Variants in TCP11L2 observed in about 807,000 individuals in gnomAD.
The protein encoded by TCP11L2 is T-complex protein 11-like protein 2.
TCP11L2 carries 39 observed loss-of-function variants against 50.7 expected under a neutral mutation model. That is an observed-to-expected ratio of 0.77 (90% CI 0.60 to 1.01). TCP11L2 has a LOEUF of 1.01. Ranked by LOEUF, TCP11L2 falls within the 50% of genes least tolerant of loss-of-function variation. TCP11L2 has a pLI of 0.00. For missense variants in TCP11L2, 612 were observed against 614.7 expected, an observed-to-expected ratio of 1.00 and a Z score of 0.05; for synonymous variants, 192 against 219.3, an observed-to-expected ratio of 0.88 and a Z score of 1.10.
At chr12:106,344,313 G>A (rs1056030354) in intron 9 of TCP11L2, among the ~76,000 whole-genome samples, 1 of 152,010 alleles carries the variant, frequency 6.6e-6, no homozygotes, top group Non-Finnish European at 1.5e-5. Flanking sequence ...CATTTACAAT[G>A]TGTCTGTCAC....
chr12:106,300,024 T>C (rs2034384615), upstream of TCP11L2, among the ~76,000 whole-genome samples: 1 of 152,116 alleles, frequency 6.6e-6, no homozygotes, highest in South Asian at 2.1e-4. Flanking sequence ...ACCGTGTAAT[T>C]TACAGGGAGA....
At chr12:106,319,123 G>A (rs2035233402) in intron 4 of TCP11L2, among the ~76,000 whole-genome samples, 1 of 152,242 alleles carries the variant, frequency 6.6e-6, no homozygotes, top group South Asian at 2.1e-4. Context: ...TTGTTAGCCA[G>A]GATGGTCTCG....
At chr12:106,344,712 C>A (rs1220337815) in intron 9 of TCP11L2, among the ~76,000 whole-genome samples, 3 of 152,044 alleles carry the variant, frequency 2.0e-5, no homozygotes, top group Non-Finnish European at 4.4e-5. Context: ...CTTAGTAAAC[C>A]TTCTTATTGG....
chr12:106,344,097 T>C (rs1314595999), intron 9 of TCP11L2, among the ~76,000 whole-genome samples: 3 of 151,682 alleles, frequency 2.0e-5, no homozygotes, highest in African/African-American at 7.3e-5. Flanking sequence ...AGCAGGAGGA[T>C]GGCTTGAGGC....
chr12:106,304,012 C>T (rs2034527685), intron 1 of TCP11L2: 1 of 152,258 alleles, frequency 6.6e-6, no homozygotes, highest in African/African-American at 2.4e-5. Context: ...CTCTTCTTAC[C>T]TGCCAACGGA....
Position 106,346,822 on chromosome 12 carries a change from A to G in TCP11L2, c.*292A>G, listed in dbSNP as rs1455221833. The G allele has an allele frequency of 7.3e-6, 2 of 274,334 alleles. No individual in the cohort carries two copies. The highest frequency in any genetic ancestry group is 1.1e-3 in the Middle Eastern group (1 of 924). The allele number at this position is 274,334 out of a possible 1,614,324, so 17.0% of individuals were successfully genotyped here. A position where few individuals can be genotyped will look rare whatever the true frequency, so the allele number is the denominator to read the frequency against. ...ATTATATTACCTATATAATACTTGT[A>G]AATGTTTTCTTAACCATTTATATTT... On this transcript the variant is annotated 3_prime_UTR_variant, in exon 10 of 10. Transcript: ENST00000299045.
At chr12:106,323,691 T>C (rs573435623) in intron 6 of TCP11L2, 45 bp downstream of exon 6, 14 of 1,083,900 alleles carry the variant, frequency 1.3e-5, no homozygotes, top group East Asian at 2.9e-5. Context: ...TAGGTTAAAA[T>C]GATGATTTTA....
intron 6 of TCP11L2, among the ~76,000 whole-genome samples, chr12:106,331,943 A>G (rs2035760739): frequency 6.6e-6 from 1 of 152,236 alleles, no homozygotes; most frequent in Admixed American, 6.5e-5. Flanking sequence ...CTGTTGCAGC[A>G]GTCTGTTGCT....
At chr12:106,318,524 G>C in intron 4 of TCP11L2, 60 bp downstream of exon 4, 2 of 1,600,002 alleles carry the variant, frequency 1.3e-6, no homozygotes, top group Non-Finnish European at 1.7e-6. Context: ...TGCTATAACA[G>C]ACTGGCATAG....
intron 1 of TCP11L2, 88 bp from the exon 2 acceptor site, chr12:106,310,952 TG>T: frequency 8.3e-7 from 1 of 1,198,932 alleles, no homozygotes; most frequent in Non-Finnish European, 1.2e-6. Context: ...GTGACACTTG[TG>T]GGGACAGTTG....
chr12:106,313,135 C>G (rs781184184), intron 2 of TCP11L2, among the ~76,000 whole-genome samples: 5 of 152,072 alleles, frequency 3.3e-5, no homozygotes, highest in Non-Finnish European at 7.4e-5. Context: ...TGAGTTCTTA[C>G]TATCTTCTTC....
At chr12:106,345,149 C>CA (rs1362116649) in intron 9 of TCP11L2, among the ~76,000 whole-genome samples, 2 of 152,164 alleles carry the variant, frequency 1.3e-5, no homozygotes, top group African/African-American at 4.8e-5. Context: ...CACACACCAT[C>CA]ATGCCTGGCT....
intron 6 of TCP11L2, chr12:106,325,245 A>G (rs2035495029): frequency 6.6e-6 from 1 of 152,194 alleles, no homozygotes; most frequent in Non-Finnish European, 1.5e-5. Flanking sequence ...TCCATAGTCC[A>G]TGTTCCTGTC....
In TCP11L2 at chr12:106,330,167, G is replaced by A. The variant is rs113790605; in HGVS notation, c.773-5472G>A. The A allele has an allele frequency of 7.0e-3, 6,880 of 985,358 alleles. 394 individuals carry two copies. The African/African-American group carries it at 0.11, about 16-fold the overall frequency. 61.0% of individuals were successfully genotyped at this position (985,358 alleles called of 1,614,324 possible). A position where few individuals can be genotyped will look rare whatever the true frequency, so the allele number is the denominator to read the frequency against. On this transcript the variant is annotated intron_variant, in intron 6 of 9. Coordinates refer to ENST00000299045, the MANE Select transcript of TCP11L2 (RefSeq NM_152772.3). ...AAAATAAAGTGAATTTTGTCCTAAGGCAGACAGCCCCAGTAGAGAATTACT... is the reference window on the plus strand; with the variant it reads ...AAAATAAAGTGAATTTTGTCCTAAGACAGACAGCCCCAGTAGAGAATTACT...
At chr12:106,330,152 G>C (rs913514963) in intron 6 of TCP11L2, 12 of 985,296 alleles carry the variant, frequency 1.2e-5, no homozygotes, top group Non-Finnish European at 1.4e-5. Context: ...AAAATAAAGT[G>C]AATTTTGTCC....
At chr12:106,331,357 C>T (rs1438074200) in intron 6 of TCP11L2, among the ~76,000 whole-genome samples, 1 of 151,882 alleles carries the variant, frequency 6.6e-6, no homozygotes, top group Non-Finnish European at 1.5e-5. Flanking sequence ...AGCCAAGTTC[C>T]CAAAAAAGCT....
At chr12:106,312,278 TGCTGTTA>T in intron 2 of TCP11L2, 1 of 214,938 alleles carries the variant, frequency 4.7e-6, no homozygotes, top group Non-Finnish European at 8.7e-6. Flanking sequence ...TTTTTTTTTT[TGCTGTTA>T]TAAATAGTGC....
rs1447190088 is a variant in TCP11L2, at chr12:106,311,210, C to T, written c.135C>T (p.Ser45=). ...GGCAGAGCTTTGCAAGTGACTCCTCCAGCAAATCCAGCTCTCCTGCTTGTG... is the reference window on the plus strand; with the variant it reads ...GGCAGAGCTTTGCAAGTGACTCCTCTAGCAAATCCAGCTCTCCTGCTTGTG... The part of the protein sequence containing the change: ...CSRQSFASDS[S]SKSSSPASTS... The change falls in exon 2 of 10, where the codon TCC becomes TCT. Residue 45 remains serine (S), a synonymous_variant. Transcript: ENST00000299045. The T allele has an allele frequency of 6.2e-7, 1 of 1,613,928 alleles. No homozygotes were observed. The highest frequency in any genetic ancestry group is 8.5e-7 in the Non-Finnish European group (1 of 1,179,932).
rs773875253 is a variant in TCP11L2 at position 106,335,998 on chromosome 12, C to T, written c.961-34C>T. The T allele has an allele frequency of 5.2e-6, 8 of 1,541,268 alleles. No homozygotes were observed. In the East Asian group the frequency reaches 1.4e-4, roughly 28 times the overall value. On this transcript the variant is annotated intron_variant, in intron 7 of 9. Coordinates refer to ENST00000299045, the MANE Select transcript of TCP11L2 (RefSeq NM_152772.3). ...TGTATTTTCATGCTATTGAGCTACC[C>T]TTTCTATTTTTATATTTTAAATAAA... is the stretch of plus-strand genomic sequence containing the variant.
Sources: gnomAD v4.1 joint callset for allele counts (sites outside exome capture counted in the v4.1 genomes callset) on GRCh38, gnomAD v4.1.1 for gene constraint, MANE v1.5 for transcripts, NCBI Gene and HGNC (gene_info 2026-07-23, HGNC 2026-07-21) for gene names.